The following KCNT2 variants were observed in gnomAD, a reference collection of about 807,000 sequenced individuals.
The protein encoded by KCNT2 is potassium channel subfamily T member 2.
A neutral mutation model predicts 153.8 loss-of-function variants in KCNT2; 67 were observed. The ratio of observed to expected loss-of-function variants is 0.44; its 90% confidence interval spans 0.36 to 0.53. KCNT2 has a LOEUF of 0.53. Ranked by LOEUF, KCNT2 falls within the 20% of genes least tolerant of loss-of-function variation. KCNT2 has a pLI of 0.00. For synonymous variants in KCNT2, 500 were observed against 458.8 expected (o/e 1.09, Z -1.15); for missense variants, 975 against 1,354.8 (o/e 0.72, Z 4.40).
intron 1 of KCNT2, among the ~76,000 whole-genome samples, chr1:196,556,381 A>G (rs555655924): frequency 2.0e-5 from 3 of 151,486 alleles, no homozygotes; most frequent in Non-Finnish European, 4.4e-5. Context: ...CGAATGGCAA[A>G]CAGGTATATG....
chr1:196,328,084 A>G (rs1389561460), intron 18 of KCNT2, among the ~76,000 whole-genome samples: 1 of 152,206 alleles, frequency 6.6e-6, no homozygotes, highest in Non-Finnish European at 1.5e-5. Context: ...TTCAGAATAT[A>G]AAATGAGCAC....
intron 13 of KCNT2, among the ~76,000 whole-genome samples, chr1:196,396,785 A>C (rs767627207): frequency 2.1e-4 from 32 of 151,616 alleles, no homozygotes; most frequent in Admixed American, 5.3e-4. Flanking sequence ...GGTATTATTA[A>C]AATAATGACA....
chr1:196,377,013 T>C (rs1368934715), intron 13 of KCNT2, among the ~76,000 whole-genome samples: 2 of 151,866 alleles, frequency 1.3e-5, no homozygotes, highest in Non-Finnish European at 2.9e-5. Context: ...CAAAAGATAG[T>C]TGAAGTTCTT....
rs764413532 is a variant in KCNT2, at chr1:196,333,980, T to C, written c.1864A>G (p.Lys622Glu). 6.2e-7 allele frequency: 1 copy of C among 1,613,394 alleles called. No homozygotes were observed. Among genetic ancestry groups the C allele is most frequent in the Non-Finnish European group, 8.5e-7 (1 of 1,179,676 alleles). Reference protein sequence around the residue: ...PTLSLPTEGSKEIRRPSIAPV... With the variant: ...PTLSLPTEGSEEIRRPSIAPV... ...GCAATGCTAGGTCTTCTTATTTCTT[T>C]GCTTCCCTCTGTAGGAAGAGACAGG... is the stretch of plus-strand genomic sequence containing the variant. The change falls in exon 17 of 28, where the codon AAA becomes GAA. Residue 622 changes from lysine (K) to glutamate (E), a missense_variant. Lys to Glu is a moderately conservative substitution (Grantham distance 56). Coordinates refer to ENST00000294725, the MANE Select transcript of KCNT2 (RefSeq NM_198503.5).
At chr1:196,254,102 T>C (rs1411609622) in intron 26 of KCNT2, among the ~76,000 whole-genome samples, 2 of 151,490 alleles carry the variant, frequency 1.3e-5, no homozygotes, top group East Asian at 3.9e-4. Flanking sequence ...AATATTTTCA[T>C]TTACTACCTA....
intron 1 of KCNT2, among the ~76,000 whole-genome samples, chr1:196,531,733 TTTCAGCAGAATCTCTA>T (rs1654967727): frequency 6.6e-6 from 1 of 152,140 alleles, no homozygotes; most frequent in Non-Finnish European, 1.5e-5. Context: ...TCAGTGATTA[TTTCAGCAGAATCTCTA>T]GTCAGTCTGT....
intron 23 of KCNT2, among the ~76,000 whole-genome samples, chr1:196,285,332 T>C (rs1409992916): frequency 6.6e-6 from 1 of 152,192 alleles, no homozygotes; most frequent in African/African-American, 2.4e-5. Context: ...TAATTTTTTT[T>C]TACCTTTTTA....
chr1:196,592,054 A>G (rs957737986), intron 1 of KCNT2, among the ~76,000 whole-genome samples: 8 of 152,172 alleles, frequency 5.3e-5, no homozygotes, highest in Non-Finnish European at 1.0e-4. Context: ...AGAAGAGGGA[A>G]GTAAATCAAA....
rs1199102813 is a variant in KCNT2 at position 196,226,991 on chromosome 1, T to G, written c.*1233A>C. 6.6e-6 allele frequency: 1 copy of G among 151,950 alleles called. No individual in the cohort carries two copies. Among genetic ancestry groups the G allele is most frequent in the Non-Finnish European group, 1.5e-5 (1 of 67,828 alleles). 9.4% of individuals were successfully genotyped at this position (151,950 alleles called of 1,614,324 possible). A position where few individuals can be genotyped will look rare whatever the true frequency, so the allele number is the denominator to read the frequency against. On this transcript the variant is annotated 3_prime_UTR_variant, in exon 28 of 28. Coordinates refer to ENST00000294725, the MANE Select transcript of KCNT2 (RefSeq NM_198503.5). ...TTGATCTATTTCTCTAGGGGGAAAA[T>G]GCAATACAGGTAAAAAATGAAAAAC...
chr1:196,470,761 A>C (rs1040274079), intron 5 of KCNT2, among the ~76,000 whole-genome samples: 1 of 152,184 alleles, frequency 6.6e-6, no homozygotes, highest in African/African-American at 2.4e-5. Flanking sequence ...GAAACATCAG[A>C]TAGGCCTCCC....
At chr1:196,353,793 T>C (rs924258354) in intron 14 of KCNT2, among the ~76,000 whole-genome samples, 8 of 151,996 alleles carry the variant, frequency 5.3e-5, no homozygotes, top group Admixed American at 3.3e-4. Context: ...GAAATGTATT[T>C]CAATACAGAC....
At chr1:196,264,330 C>A (rs991141282) in intron 25 of KCNT2, among the ~76,000 whole-genome samples, 4 of 152,068 alleles carry the variant, frequency 2.6e-5, no homozygotes, top group African/African-American at 9.7e-5. Context: ...TACTAGAATT[C>A]TGGTGATGTA....
chr1:196,325,765 A>T lies in KCNT2; in HGVS notation c.2276+952T>A, dbSNP rs546797780. On this transcript the variant is annotated intron_variant, in intron 19 of 27. Transcript: ENST00000294725. ...TTCAAATGAAAATTCTACAAGTGTG[A>T]TAAATTTTTGGAGTTGATTATTCTT... Among the ~76,000 whole-genome samples the T allele has an allele frequency of 2.6e-5, 4 of 152,246 alleles. No individual in the cohort carries two copies. In the South Asian group the frequency reaches 6.2e-4, roughly 24 times the overall value.
At position 196,432,785 on chromosome 1, in the gene KCNT2, T is replaced by C. The variant is rs565349361; in HGVS notation, c.639-3028A>G. On this transcript the variant is annotated intron_variant, in intron 8 of 27. Transcript: ENST00000294725. ...TCTCACCCATATCTAATTTAGGTGA[T>C]ATTTAGATGAGACTTTGGACTTAGA... 2.0e-5 allele frequency among the ~76,000 whole-genome samples: 3 copies of C among 152,216 alleles called. No individual in the cohort carries two copies. In the South Asian group the frequency reaches 6.2e-4, roughly 32 times the overall value.
At position 196,496,436 on chromosome 1, in the gene KCNT2, C is replaced by T. The variant is rs565377899; in HGVS notation, c.96-4095G>A. On this transcript the variant is annotated intron_variant, in intron 1 of 27. Coordinates refer to ENST00000294725, the MANE Select transcript of KCNT2 (RefSeq NM_198503.5). ...TGAGCCGAGATCGTGCCACTGCACT[C>T]CAGCCTGGGCGACAGAGCAAGACTC... Among the ~76,000 whole-genome samples, 6 of 150,436 alleles carry T rather than the reference C, an allele frequency of 4.0e-5. No homozygotes were observed. In the South Asian group the frequency reaches 1.1e-3, roughly 26 times the overall value.
In KCNT2 at chr1:196,489,945, C is replaced by T; in HGVS notation, c.176-8G>A. ...ACAGGCGTATCCTTAGACCTTTAAA[C>T]AAATGATAAAAGTTTGATTTTCATC... On this transcript the variant is annotated splice_region_variant and splice_polypyrimidine_tract_variant and intron_variant, in intron 2 of 27. Transcript: ENST00000294725. 2 of 1,359,470 alleles carry T rather than the reference C, an allele frequency of 1.5e-6. No homozygotes were observed. Among genetic ancestry groups the T allele is most frequent in the Non-Finnish European group, 2.0e-6 (2 of 995,928 alleles). 84.2% of individuals were successfully genotyped at this position (1,359,470 alleles called of 1,614,324 possible).
chr1:196,436,605 T>C (rs1391772199), intron 8 of KCNT2, among the ~76,000 whole-genome samples: 2 of 151,436 alleles, frequency 1.3e-5, no homozygotes, highest in Admixed American at 6.6e-5. Flanking sequence ...AGTTATCTTG[T>C]TTCATTCACA....
chr1:196,383,176 T>C (rs750873686), intron 13 of KCNT2, among the ~76,000 whole-genome samples: 4 of 152,130 alleles, frequency 2.6e-5, no homozygotes, highest in Non-Finnish European at 5.9e-5. Context: ...AAGCTATTTG[T>C]GATGAAGGGC....
chr1:196,338,653 A>G (rs1172703239), intron 16 of KCNT2, among the ~76,000 whole-genome samples: 3 of 152,006 alleles, frequency 2.0e-5, no homozygotes, highest in Non-Finnish European at 4.4e-5. Context: ...TCAAAATTAT[A>G]TTTAAAAATT....
Sources: gnomAD v4.1 joint callset for allele counts (sites outside exome capture counted in the v4.1 genomes callset) on GRCh38, gnomAD v4.1.1 for gene constraint, MANE v1.5 for transcripts, NCBI Gene and HGNC (gene_info 2026-07-23, HGNC 2026-07-21) for gene names.